Variants in SLC25A21 observed in about 807,000 individuals in gnomAD.
SLC25A21 encodes solute carrier family 25 member 21.
In SLC25A21, 47 loss-of-function variants were observed where a neutral mutation model predicts 43.8. That is an observed-to-expected ratio of 1.07 (90% confidence interval 0.85 to 1.37). SLC25A21 has a LOEUF of 1.37. Ranked by LOEUF, SLC25A21 falls within the 40% of genes most tolerant of loss-of-function variation. The pLI, the probability that SLC25A21 is intolerant of heterozygous loss-of-function variation, is 0.00. For synonymous variants in SLC25A21, 131 were observed against 121.3 expected (o/e 1.08, Z -0.52); for missense variants, 352 against 350.2 (o/e 1.00, Z -0.04).
intron 1 of SLC25A21, chr14:37,098,088 G>T (rs923385192): frequency 1.3e-5 from 2 of 152,032 alleles, no homozygotes; most frequent in Non-Finnish European, 2.9e-5. Flanking sequence ...GCAATTTCAG[G>T]AAGTGTATAC....
intron 3 of SLC25A21, among the ~76,000 whole-genome samples, chr14:36,786,586 A>G (rs754335598): frequency 1.3e-5 from 2 of 152,186 alleles, no homozygotes; most frequent in Non-Finnish European, 1.5e-5. Flanking sequence ...GCTTAAATCC[A>G]TAGAGTTTAA....
intron 3 of SLC25A21, among the ~76,000 whole-genome samples, chr14:36,798,828 G>A (rs1419912475): frequency 6.6e-6 from 1 of 152,018 alleles, no homozygotes; most frequent in African/African-American, 2.4e-5. Flanking sequence ...GGATTGTCCA[G>A]CATTACAAAA....
chr14:36,806,570 GA>G (rs1479328186), intron 3 of SLC25A21, among the ~76,000 whole-genome samples: 1 of 152,020 alleles, frequency 6.6e-6, no homozygotes, highest in Non-Finnish European at 1.5e-5. Context: ...ATTTTTAAAA[GA>G]AACACAGATT....
chr14:36,768,083 C>A (rs1007671272), intron 3 of SLC25A21, among the ~76,000 whole-genome samples: 11 of 152,192 alleles, frequency 7.2e-5, no homozygotes, highest in Non-Finnish European at 1.5e-5. Flanking sequence ...CTTCGGCATT[C>A]CAATTGGCTC....
chr14:36,841,390 A>G (rs1889379452), intron 2 of SLC25A21, among the ~76,000 whole-genome samples: 2 of 152,324 alleles, frequency 1.3e-5, no homozygotes, highest in South Asian at 4.1e-4. Flanking sequence ...CCTCAAATGT[A>G]CACAGTCCTC....
chr14:36,877,746 G>GA (rs5807915), intron 1 of SLC25A21, among the ~76,000 whole-genome samples: 124,619 of 151,496 alleles, frequency 0.82, 52,398 homozygotes, highest in Non-Finnish European at 0.92. Context: ...GAAAAAAGAA[G>GA]AAAAGAGGCA....
At chr14:37,128,520 GTC>G (rs539530734) in intron 1 of SLC25A21, among the ~76,000 whole-genome samples, 68 of 134,574 alleles carry the variant, frequency 5.1e-4, no homozygotes, top group East Asian at 2.9e-3. Context: ...ATTACTTTCT[GTC>G]TCTCTCTCTC....
rs117728824 is a variant in SLC25A21, at chr14:36,972,862, G to A, written c.71-97858C>T. ...TTTGTTTGTTTTGAGACAAAGACAA[G>A]GTCTCTCTCATGCAGGCTGGAGTAT... On this transcript the variant is annotated intron_variant, in intron 1 of 9. Coordinates refer to ENST00000331299, the MANE Select transcript of SLC25A21 (RefSeq NM_030631.4). Among the ~76,000 whole-genome samples the A allele has an allele frequency of 5.7e-4, 87 of 151,954 alleles. No individual in the cohort carries two copies. In the East Asian group the frequency reaches 9.7e-3, roughly 17 times the overall value.
intron 2 of SLC25A21, among the ~76,000 whole-genome samples, chr14:36,816,337 G>A (rs774006460): frequency 6.6e-6 from 1 of 152,072 alleles, no homozygotes; most frequent in East Asian, 1.9e-4. Context: ...AGGGAGTATG[G>A]CAGGGAGAAC....
At chr14:37,150,255 T>C (rs1963736074) in intron 1 of SLC25A21, among the ~76,000 whole-genome samples, 1 of 152,200 alleles carries the variant, frequency 6.6e-6, no homozygotes. Flanking sequence ...TTATGGAATC[T>C]AGGAGTTTCA....
At chr14:37,022,973 G>A (rs1345667309) in intron 1 of SLC25A21, among the ~76,000 whole-genome samples, 10 of 152,002 alleles carry the variant, frequency 6.6e-5, no homozygotes, top group African/African-American at 2.4e-4. Flanking sequence ...AACTCTTGAT[G>A]CAGACATGAC....
intron 1 of SLC25A21, among the ~76,000 whole-genome samples, chr14:37,021,134 G>T (rs1960976713): frequency 1.3e-5 from 2 of 151,900 alleles, no homozygotes; most frequent in African/African-American, 4.8e-5. Context: ...GTTTGATTCA[G>T]GGAAAACGCA....
rs145781956 is a variant in SLC25A21, at chr14:36,860,659, A to G, written c.119+14297T>C. Among the ~76,000 whole-genome samples the G allele has an allele frequency of 5.0e-3, 769 of 152,362 alleles. 4 individuals are homozygous for G. The highest frequency in any genetic ancestry group is 6.8e-3 in the Non-Finnish European group (464 of 68,032). ...TAACGAGTTCTCACTTTAGGAGAGC[A>G]TCTTAGGAAAAAGTCAAACTTTTTT... is the stretch of plus-strand genomic sequence containing the variant. On this transcript the variant is annotated intron_variant, in intron 2 of 9. Coordinates refer to ENST00000331299, the MANE Select transcript of SLC25A21 (RefSeq NM_030631.4).
intron 2 of SLC25A21, 74 bp from the exon 3 acceptor site, chr14:36,814,075 T>C: frequency 2.1e-6 from 2 of 960,564 alleles, no homozygotes; most frequent in South Asian, 2.9e-5. Context: ...TTTAAAGTCT[T>C]AGAAACTCAG....
intron 1 of SLC25A21, among the ~76,000 whole-genome samples, chr14:36,968,847 G>A (rs1395708556): frequency 2.0e-5 from 3 of 152,114 alleles, no homozygotes; most frequent in Admixed American, 6.5e-5. Flanking sequence ...GGCTCAGCAA[G>A]GGACTTTTAT....
intron 9 of SLC25A21, among the ~76,000 whole-genome samples, chr14:36,681,434 T>C (rs1226731380): frequency 6.6e-6 from 1 of 152,176 alleles, no homozygotes; most frequent in Non-Finnish European, 1.5e-5. Flanking sequence ...AACAGGAATG[T>C]GATACAGAAA....
At chr14:36,891,992 A>G (rs777507025) in intron 1 of SLC25A21, among the ~76,000 whole-genome samples, 132 of 152,320 alleles carry the variant, frequency 8.7e-4, no homozygotes, top group Non-Finnish European at 1.8e-3. Context: ...TTAAGCCACT[A>G]TATTGTTAGA....
chr14:36,978,805 C>A (rs1959942000), intron 1 of SLC25A21, among the ~76,000 whole-genome samples: 1 of 152,154 alleles, frequency 6.6e-6, no homozygotes, highest in Admixed American at 6.5e-5. Context: ...ATCTCAGTAC[C>A]TAAGCCATTC....
At chr14:36,777,396 G>A (rs965913349) in intron 3 of SLC25A21, among the ~76,000 whole-genome samples, 3 of 152,110 alleles carry the variant, frequency 2.0e-5, no homozygotes, top group Non-Finnish European at 2.9e-5. Context: ...AAAAAGATAC[G>A]TCCAAGTCCT....
Sources: allele counts gnomAD v4.1 joint callset (sites outside exome capture counted in the v4.1 genomes callset), GRCh38; gene constraint gnomAD v4.1.1; transcripts MANE v1.5; gene names NCBI Gene and HGNC (gene_info 2026-07-23, HGNC 2026-07-21).